Variants in ZNF124 observed in about 807,000 individuals in gnomAD.
ZNF124 encodes the protein zinc finger protein HZF-16.
ZNF124 carries 25 observed loss-of-function variants against 26.6 expected under a neutral mutation model. The ratio of observed to expected loss-of-function variants is 0.94; its 90% CI spans 0.68 to 1.31. The LOEUF is 1.31. ZNF124 is among the 40% of genes most tolerant of loss of function. ZNF124 has a pLI of 0.00. For synonymous variants in ZNF124, 129 were observed against 133.3 expected, an observed-to-expected ratio of 0.97 and a Z score of 0.22; for missense variants, 444 against 422.2, an observed-to-expected ratio of 1.05 and a Z score of -0.45.
intron 3 of ZNF124, chr1:247,124,019 G>T (rs1365706521): frequency 2.0e-6 from 1 of 503,574 alleles, no homozygotes; most frequent in Non-Finnish European, 3.7e-6. Context: ...TAGTAGAGAC[G>T]GGGTTTCACC....
intron 3 of ZNF124, among the ~76,000 whole-genome samples, chr1:247,136,742 C>T (rs1672492029): frequency 6.6e-6 from 1 of 151,928 alleles, no homozygotes; most frequent in African/African-American, 2.4e-5. Flanking sequence ...AGGTCAGGAG[C>T]TTGAGACCAG....
At chr1:247,128,669 T>TGGTCA (rs1376620902) in intron 3 of ZNF124, among the ~76,000 whole-genome samples, 1 of 151,004 alleles carries the variant, frequency 6.6e-6, no homozygotes, top group African/African-American at 2.4e-5. Flanking sequence ...GACAAAATGC[T>TGGTCA]GGTCAGGCAG....
intron 1 of ZNF124, among the ~76,000 whole-genome samples, chr1:247,166,385 C>A (rs1673779817): frequency 6.6e-6 from 1 of 152,124 alleles, no homozygotes; most frequent in African/African-American, 2.4e-5. Context: ...AAATAGAAAT[C>A]ATTCTACCAT....
intron 3 of ZNF124, among the ~76,000 whole-genome samples, chr1:247,128,610 T>G (rs1296498387): frequency 6.6e-6 from 1 of 150,762 alleles, no homozygotes; most frequent in Non-Finnish European, 1.5e-5. Context: ...GCTAATCCAC[T>G]AGGACTTAGA....
chr1:247,147,962 G>C (rs983456813), intron 3 of ZNF124, among the ~76,000 whole-genome samples: 3 of 152,168 alleles, frequency 2.0e-5, no homozygotes, highest in Non-Finnish European at 4.4e-5. Flanking sequence ...TGGTATCAGC[G>C]AGTACATAGA....
At chr1:247,126,172 A>C (rs1308217430) in intron 3 of ZNF124, among the ~76,000 whole-genome samples, 3 of 150,970 alleles carry the variant, frequency 2.0e-5, no homozygotes, top group Non-Finnish European at 4.4e-5. Flanking sequence ...TGAATGTAAC[A>C]TTGTATACAA....
intron 3 of ZNF124, among the ~76,000 whole-genome samples, chr1:247,134,281 A>T (rs543176842): frequency 1.3e-5 from 2 of 152,374 alleles, no homozygotes; most frequent in Non-Finnish European, 2.9e-5. Flanking sequence ...AAATGGGCTA[A>T]AAGCCCCAAT....
chr1:247,141,687 C>G (rs930363620), intron 3 of ZNF124, among the ~76,000 whole-genome samples: 6 of 152,064 alleles, frequency 3.9e-5, no homozygotes, highest in African/African-American at 1.2e-4. Flanking sequence ...GGTGACTGTT[C>G]TGTGTTCATG....
intron 3 of ZNF124, among the ~76,000 whole-genome samples, chr1:247,139,475 C>T (rs954740695): frequency 6.6e-5 from 10 of 152,248 alleles, no homozygotes; most frequent in East Asian, 1.9e-4. Flanking sequence ...GCCTTTTAAG[C>T]AGGGCATTTA....
At chr1:247,143,996 G>A (rs948622300) in intron 3 of ZNF124, among the ~76,000 whole-genome samples, 2 of 152,160 alleles carry the variant, frequency 1.3e-5, no homozygotes, top group Non-Finnish European at 2.9e-5. Flanking sequence ...CCAAAGGACC[G>A]TGAAGGGTGA....
chr1:247,144,364 C>T (rs1181112940), intron 3 of ZNF124, among the ~76,000 whole-genome samples: 1 of 152,152 alleles, frequency 6.6e-6, no homozygotes, highest in African/African-American at 2.4e-5. Context: ...AACTCAACCA[C>T]AACTAAGTTG....
At chr1:247,169,730 A>C (rs1326776268) in intron 1 of ZNF124, among the ~76,000 whole-genome samples, 1 of 147,000 alleles carries the variant, frequency 6.8e-6, no homozygotes, top group Non-Finnish European at 1.5e-5. Context: ...AGAGGGCAGA[A>C]ATTCTTTCTT....
intron 3 of ZNF124, among the ~76,000 whole-genome samples, chr1:247,144,332 A>T (rs2103108119): frequency 6.6e-6 from 1 of 152,324 alleles, no homozygotes; most frequent in South Asian, 2.1e-4. Flanking sequence ...CAGATGAAAT[A>T]GCGACAAAAA....
At position 247,156,177 on chromosome 1, in the gene ZNF124, T is replaced by C. The variant is rs1332570316; in HGVS notation, c.*389A>G. On this transcript the variant is annotated 3_prime_UTR_variant, in exon 4 of 4. Coordinates refer to ENST00000543802, the MANE Select transcript of ZNF124 (RefSeq NM_001297568.2). ...GGTGGGCATTCTTTTATTTATAAGG[T>C]CAATCTGGAGTATGTGTTACCATGT... 28 of 993,806 alleles carry C rather than the reference T, an allele frequency of 2.8e-5. No homozygotes were observed. The highest frequency in any genetic ancestry group is 3.0e-5 in the Non-Finnish European group (25 of 836,144). 61.6% of individuals were successfully genotyped at this position (993,806 alleles called of 1,614,324 possible).
intron 3 of ZNF124, chr1:247,138,687 A>C: frequency 2.5e-6 from 1 of 398,492 alleles, no homozygotes; most frequent in Admixed American, 4.4e-5. Context: ...GCAGAGAAAG[A>C]AAGGTACATA....
At chr1:247,150,865 ATATT>A (rs1305613993), downstream of ZNF124, among the ~76,000 whole-genome samples, 2 of 150,844 alleles carry the variant, frequency 1.3e-5, no homozygotes, top group Admixed American at 6.6e-5. Context: ...TAAATAAAAA[ATATT>A]TAATATACTG....
chr1:247,160,661 T>C (rs571868449), intron 1 of ZNF124, among the ~76,000 whole-genome samples: 1 of 152,324 alleles, frequency 6.6e-6, no homozygotes, highest in African/African-American at 2.4e-5. Context: ...TTTTGTTTTA[T>C]TGTAGCAGTG....
chr1:247,136,092 G>A (rs1350470085), intron 3 of ZNF124, among the ~76,000 whole-genome samples: 3 of 152,164 alleles, frequency 2.0e-5, no homozygotes, highest in African/African-American at 7.2e-5. Flanking sequence ...TCAAAAGCTG[G>A]AAGTATTCCC....
chr1:247,128,965 G>T (rs1178237953), intron 3 of ZNF124, among the ~76,000 whole-genome samples: 15 of 22,864 alleles, frequency 6.6e-4, no homozygotes, highest in African/African-American at 3.9e-3. Context: ...GGAGGATTCA[G>T]GAGATGAGAG....
Sources: allele counts gnomAD v4.1 joint callset (sites outside exome capture counted in the v4.1 genomes callset), GRCh38; gene constraint gnomAD v4.1.1; transcripts MANE v1.5; gene names NCBI Gene and HGNC (gene_info 2026-07-23, HGNC 2026-07-21).